Variants in RXYLT1 observed in about 807,000 individuals in gnomAD.
The protein encoded by RXYLT1 is ribitol-5-phosphate xylosyltransferase 1.
In RXYLT1, 41 loss-of-function variants were observed where a neutral mutation model predicts 43.5. The ratio of observed to expected loss-of-function variants is 0.94; its 90% CI spans 0.73 to 1.22. The LOEUF (loss-of-function observed/expected upper bound fraction) is 1.22, where lower values mean the gene tolerates loss of function less well. RXYLT1 is among the 50% of genes most tolerant of loss of function. RXYLT1 has a pLI of 0.00. For synonymous variants in RXYLT1, 166 were observed against 194.4 expected (o/e 0.85, Z 1.21); for missense variants, 514 against 532.0 (o/e 0.97, Z 0.33).
chr12:63,800,614 T>C (rs1898137241), intron 3 of RXYLT1, among the ~76,000 whole-genome samples: 1 of 152,128 alleles, frequency 6.6e-6, no homozygotes, highest in Non-Finnish European at 1.5e-5. Flanking sequence ...GAAAACTTTT[T>C]AAAAATACAG....
intron 3 of RXYLT1, among the ~76,000 whole-genome samples, chr12:63,791,209 G>T (rs1169621342): frequency 1.3e-5 from 2 of 152,120 alleles, no homozygotes; most frequent in African/African-American, 4.8e-5. Flanking sequence ...TAATCTCATA[G>T]GACAATTTTA....
At chr12:63,806,440 G>C (rs1898293236) in intron 5 of RXYLT1, 1 of 152,222 alleles carries the variant, frequency 6.6e-6, no homozygotes, top group Admixed American at 6.5e-5. Flanking sequence ...TTACATTTAT[G>C]CACAGGCCTT....
intron 3 of RXYLT1, among the ~76,000 whole-genome samples, chr12:63,795,063 A>C (rs1897999030): frequency 6.6e-6 from 1 of 152,128 alleles, no homozygotes; most frequent in South Asian, 2.1e-4. Context: ...TGGGAGGCCA[A>C]AGCAGGCAGA....
At chr12:63,780,628 A>AT (rs1897658809) in intron 1 of RXYLT1, among the ~76,000 whole-genome samples, 1 of 152,218 alleles carries the variant, frequency 6.6e-6, no homozygotes, top group African/African-American at 2.4e-5. Context: ...GCACGATAGT[A>AT]TCTAAGACTG....
chr12:63,806,874 C>A (rs1898305212), intron 5 of RXYLT1: 1 of 152,328 alleles, frequency 6.6e-6, no homozygotes, highest in South Asian at 2.1e-4. Context: ...CTGTCTGACA[C>A]TACTCTGTTC....
intron 3 of RXYLT1, among the ~76,000 whole-genome samples, chr12:63,792,611 C>T (rs897090152): frequency 6.6e-6 from 1 of 152,130 alleles, no homozygotes; most frequent in Non-Finnish European, 1.5e-5. Flanking sequence ...GTCTTATTGT[C>T]TTATTTTAAA....
At chr12:63,802,526 C>A in intron 4 of RXYLT1, 121 bp downstream of exon 4, 1 of 863,690 alleles carries the variant, frequency 1.2e-6, no homozygotes, top group Non-Finnish European at 1.7e-6. Context: ...CAGGTACAGT[C>A]TTTCTCAGAG....
chr12:63,791,209 G>A (rs1169621342), intron 3 of RXYLT1, among the ~76,000 whole-genome samples: 1 of 152,120 alleles, frequency 6.6e-6, no homozygotes, highest in Non-Finnish European at 1.5e-5. Context: ...TAATCTCATA[G>A]GACAATTTTA....
chr12:63,803,199 A>AAG (rs1898205424), intron 4 of RXYLT1, among the ~76,000 whole-genome samples: 1 of 150,492 alleles, frequency 6.6e-6, no homozygotes, highest in African/African-American at 2.4e-5. Context: ...AAAAAAAAAA[A>AAG]AAAAAAAAAA....
At chr12:63,788,982 T>C (rs541917933) in intron 3 of RXYLT1, among the ~76,000 whole-genome samples, 282 of 152,332 alleles carry the variant, frequency 1.9e-3, no homozygotes, top group Non-Finnish European at 3.1e-3. Flanking sequence ...CTTAGGCTTT[T>C]AGCAGCCTGA....
chr12:63,792,102 T>C (rs536075816), intron 3 of RXYLT1, among the ~76,000 whole-genome samples: 1 of 152,340 alleles, frequency 6.6e-6, no homozygotes, highest in African/African-American at 2.4e-5. Context: ...GGGACTATTT[T>C]GAGTAAGAGG....
chr12:63,780,132 A>T lies in RXYLT1; in HGVS notation c.169+3A>T. On this transcript the variant is annotated splice_donor_region_variant and intron_variant, in intron 1 of 5. Transcript: ENST00000261234. ...CGCGCGGGAGAGACGCGGCCGAGGT[A>T]GGACTGGGTCGGCGGCTTCCTTCCG... 1 of 1,485,422 alleles carries T rather than the reference A, an allele frequency of 6.7e-7. No individual in the cohort carries two copies. Among genetic ancestry groups the T allele is most frequent in the Non-Finnish European group, 8.9e-7 (1 of 1,129,346 alleles). The allele number at this position is 1,485,422 out of a possible 1,614,324, so 92.0% of individuals were successfully genotyped here.
intron 3 of RXYLT1, among the ~76,000 whole-genome samples, chr12:63,799,715 C>G (rs1427673488): frequency 2.6e-5 from 4 of 152,076 alleles, no homozygotes; most frequent in Non-Finnish European, 5.9e-5. Flanking sequence ...GTCATAGAAC[C>G]TCTCTCAAGA....
At chr12:63,807,746 A>G (rs1459402456) in intron 5 of RXYLT1, 1 of 152,170 alleles carries the variant, frequency 6.6e-6, no homozygotes, top group East Asian at 1.9e-4. Flanking sequence ...TGTATTTAGT[A>G]GAGACGGGGT....
At chr12:63,789,176 T>C (rs1316698500) in intron 3 of RXYLT1, among the ~76,000 whole-genome samples, 1 of 152,144 alleles carries the variant, frequency 6.6e-6, no homozygotes, top group African/African-American at 2.4e-5. Flanking sequence ...TATAGGGTTA[T>C]TAATTATAGG....
chr12:63,802,051 C>A, intron 3 of RXYLT1, 40 bp from the exon 4 acceptor site: 1 of 1,519,528 alleles, frequency 6.6e-7, no homozygotes. Flanking sequence ...TTTGTTCAGG[C>A]TTTGTTTGTC....
Position 63,781,047 on chromosome 12 carries a change from G to T in RXYLT1, c.198G>T (p.Trp66Cys). 6.2e-7 allele frequency: 1 copy of T among 1,604,734 alleles called. No homozygotes were observed. The highest frequency in any genetic ancestry group is 8.5e-7 in the Non-Finnish European group (1 of 1,176,288). Residue 66 changes from tryptophan to cysteine, a missense_variant, in exon 2 of 6, where the codon TGG (tryptophan) becomes TGT (cysteine). By Grantham distance (215) the Trp-to-Cys change is radical. Coordinates refer to ENST00000261234, the MANE Select transcript of RXYLT1 (RefSeq NM_014254.3). ...AGTCCACTTTGGAAAGTGAAGAATG[G>T]AATCCTTGGGAAGGAGATGAAAAAA... ...REQSTLESEEWNPWEGDEKNE... is the reference protein window; with the variant it reads ...REQSTLESEECNPWEGDEKNE...
intron 4 of RXYLT1, among the ~76,000 whole-genome samples, chr12:63,803,181 C>CAAAAAAAA (rs763579072): frequency 5.8e-4 from 13 of 22,594 alleles, no homozygotes; most frequent in African/African-American, 1.4e-3. Context: ...ACTGTCTCAC[C>CAAAAAAAA]AAAAAAAAAA....
chr12:63,786,043 T>G (rs1333119797), intron 3 of RXYLT1, among the ~76,000 whole-genome samples: 1 of 152,210 alleles, frequency 6.6e-6, no homozygotes, highest in Non-Finnish European at 1.5e-5. Context: ...TCTGTTGATC[T>G]AATCCCATTC....
Sources: gnomAD v4.1 joint callset for allele counts (sites outside exome capture counted in the v4.1 genomes callset) on GRCh38, gnomAD v4.1.1 for gene constraint, MANE v1.5 for transcripts, NCBI Gene and HGNC (gene_info 2026-07-23, HGNC 2026-07-21) for gene names.